POU2AF2: variants seen among roughly 807,000 people sequenced by gnomAD.
The protein encoded by POU2AF2 is POU domain class 2-associating factor 2.
the POU2AF2 span, among the ~76,000 whole-genome samples, chr11:111,264,134 T>C: frequency 6.6e-6 from 1 of 151,962 alleles, no homozygotes; most frequent in African/African-American, 2.4e-5. Context: ...AAGAGTTGAG[T>C]GTGACCATCA....
the POU2AF2 span, among the ~76,000 whole-genome samples, chr11:111,267,445 C>T: frequency 6.6e-6 from 1 of 152,198 alleles, no homozygotes; most frequent in Non-Finnish European, 1.5e-5. Context: ...CCTCTGGGGC[C>T]TACTCACATG....
the POU2AF2 span, among the ~76,000 whole-genome samples, chr11:111,268,891 T>C: frequency 6.6e-6 from 1 of 152,068 alleles, no homozygotes; most frequent in Non-Finnish European, 1.5e-5. Flanking sequence ...TTTCTTTCCA[T>C]ATTATCTTTA....
chr11:111,284,212 A>T, the POU2AF2 span: 4 of 1,614,070 alleles, frequency 2.5e-6, no homozygotes, highest in Non-Finnish European at 3.4e-6. Context: ...AGTCCTCCGC[A>T]GGGCAGAGCC....
the POU2AF2 span, among the ~76,000 whole-genome samples, chr11:111,252,179 A>C: frequency 6.6e-6 from 1 of 151,984 alleles, no homozygotes; most frequent in Non-Finnish European, 1.5e-5. Flanking sequence ...GTCCACATCG[A>C]CCTCAGTCAG....
At chr11:111,254,189 C>G in the POU2AF2 span, among the ~76,000 whole-genome samples, 1 of 152,138 alleles carries the variant, frequency 6.6e-6, no homozygotes, top group Non-Finnish European at 1.5e-5. Flanking sequence ...ATTCTAGAAG[C>G]AACATTTAGA....
chr11:111,281,340 T>A, the POU2AF2 span: 8 of 1,456,318 alleles, frequency 5.5e-6, no homozygotes, highest in African/African-American at 4.2e-5. Context: ...TATTCCTAAT[T>A]TTTATTAAAT....
the POU2AF2 span, among the ~76,000 whole-genome samples, chr11:111,271,419 T>TTATTC: frequency 6.6e-6 from 1 of 152,082 alleles, no homozygotes; most frequent in African/African-American, 2.4e-5. Context: ...TTATTTCTTT[T>TTATTC]TTTTCTTTTC....
the POU2AF2 span, among the ~76,000 whole-genome samples, chr11:111,256,508 G>A: frequency 2.0e-5 from 3 of 152,236 alleles, no homozygotes; most frequent in African/African-American, 4.8e-5. Context: ...CCTGACTGAG[G>A]AGCCTGATGG....
At chr11:111,281,399 G>T in the POU2AF2 span, 2 of 1,611,336 alleles carry the variant, frequency 1.2e-6, no homozygotes, top group South Asian at 2.2e-5. Flanking sequence ...ACCTTCCAGG[G>T]CAGCGTCAGT....
chr11:111,249,871 G>A, the POU2AF2 span, among the ~76,000 whole-genome samples: 4 of 151,904 alleles, frequency 2.6e-5, no homozygotes, highest in African/African-American at 7.3e-5. Context: ...CTTCCCCTGC[G>A]CATCAGAATG....
chr11:111,276,451 A>T, the POU2AF2 span, among the ~76,000 whole-genome samples: 619 of 41,746 alleles, frequency 0.015, 3 homozygotes, highest in African/African-American at 0.043. Context: ...AAAAAAAAAA[A>T]AAATATATAT....
At chr11:111,263,427 CT>C in the POU2AF2 span, among the ~76,000 whole-genome samples, 1,160 of 96,118 alleles carry the variant, frequency 0.012, 3 homozygotes, top group African/African-American at 0.04. Context: ...TACTGAAGTT[CT>C]TTTTTTTTTT....
chr11:111,254,649 G>A, the POU2AF2 span, among the ~76,000 whole-genome samples: 2 of 152,050 alleles, frequency 1.3e-5, no homozygotes, highest in African/African-American at 4.8e-5. Flanking sequence ...TACTACCTCT[G>A]GTTGTAGCTT....
chr11:111,276,452 AAATATAT>A, the POU2AF2 span, among the ~76,000 whole-genome samples: 3 of 35,622 alleles, frequency 8.4e-5, no homozygotes, highest in Non-Finnish European at 1.2e-4. Context: ...AAAAAAAAAA[AAATATAT>A]ATATATATAT....
At chr11:111,263,966 A>G in the POU2AF2 span, among the ~76,000 whole-genome samples, 13 of 152,228 alleles carry the variant, frequency 8.5e-5, no homozygotes, top group South Asian at 2.1e-4. Flanking sequence ...AATCAATGCC[A>G]TTGCTATTAA....
At chr11:111,284,141 A>C in the POU2AF2 span, 5 of 1,614,134 alleles carry the variant, frequency 3.1e-6, no homozygotes, top group East Asian at 8.9e-5. Flanking sequence ...AGACTTCCAC[A>C]ACAGTAAACA....
At chr11:111,262,280 C>T in the POU2AF2 span, among the ~76,000 whole-genome samples, 100,514 of 152,034 alleles carry the variant, frequency 0.66, 33,454 homozygotes, top group Middle Eastern at 0.8. Context: ...AGGCACCATT[C>T]GGTGTGTTTA....
chr11:111,276,445 A>AT, the POU2AF2 span, among the ~76,000 whole-genome samples: 2 of 29,698 alleles, frequency 6.7e-5, no homozygotes, highest in African/African-American at 9.0e-5. Flanking sequence ...AAAAGAAAAA[A>AT]AAAAAAAAAT....
the POU2AF2 span, among the ~76,000 whole-genome samples, chr11:111,268,832 G>A: frequency 6.6e-6 from 1 of 151,948 alleles, no homozygotes; most frequent in Non-Finnish European, 1.5e-5. Flanking sequence ...ACAGACATGA[G>A]CCACCGCACC....
Sources: gnomAD v4.1 joint callset for allele counts (sites outside exome capture counted in the v4.1 genomes callset) on GRCh38, gnomAD v4.1.1 for gene constraint, MANE v1.5 for transcripts, NCBI Gene and HGNC (gene_info 2026-07-23, HGNC 2026-07-21) for gene names.